ANKS1B: variants seen among roughly 807,000 people sequenced by gnomAD.
ANKS1B encodes ankyrin repeat and sterile alpha motif domain-containing protein 1B.
A neutral mutation model predicts 148.3 loss-of-function variants in ANKS1B; 36 were observed. The ratio of observed to expected loss-of-function variants is 0.24; its 90% CI spans 0.19 to 0.32. ANKS1B has a LOEUF of 0.32. ANKS1B is among the 10% of genes least tolerant of loss of function. ANKS1B has a pLI of 1.00. For missense variants in ANKS1B, 1,157 were observed against 1,542.6 expected (o/e 0.75, Z 4.19); for synonymous variants, 542 against 560.8 (o/e 0.97, Z 0.47).
chr12:98,950,944 T>C (rs918739729), intron 17 of ANKS1B, among the ~76,000 whole-genome samples: 3 of 152,104 alleles, frequency 2.0e-5, no homozygotes, highest in African/African-American at 7.2e-5. Flanking sequence ...TAATAGTACT[T>C]CTAGAACATC....
intron 12 of ANKS1B, among the ~76,000 whole-genome samples, chr12:99,380,238 A>G (rs1407751026): frequency 6.6e-6 from 1 of 152,238 alleles, no homozygotes; most frequent in African/African-American, 2.4e-5. Context: ...ATATTCAATC[A>G]GAGCTTTCAC....
At chr12:98,975,981 A>G (rs1217881463) in intron 17 of ANKS1B, among the ~76,000 whole-genome samples, 1 of 152,222 alleles carries the variant, frequency 6.6e-6, no homozygotes, top group Non-Finnish European at 1.5e-5. Flanking sequence ...CCAAAGCATG[A>G]ACTTGACAAC....
chr12:98,753,873 GGA>G (rs531761785), intron 25 of ANKS1B, among the ~76,000 whole-genome samples: 80 of 152,286 alleles, frequency 5.3e-4, no homozygotes, highest in Middle Eastern at 3.4e-3. Context: ...AAGCGCTCTG[GGA>G]GCCCGATTCC....
intron 14 of ANKS1B, 44 bp from the exon 15 acceptor site, chr12:99,154,439 G>T: frequency 6.2e-7 from 1 of 1,613,620 alleles, no homozygotes. Context: ...GGGAGTAGCC[G>T]TCCACGGGGT....
chr12:99,926,338 T>C (rs1204494654), intron 1 of ANKS1B, among the ~76,000 whole-genome samples: 1 of 152,206 alleles, frequency 6.6e-6, no homozygotes, highest in Non-Finnish European at 1.5e-5. Context: ...TTGGTGAAGG[T>C]GTTTAAATCG....
chr12:99,465,321 C>T (rs1338805368), intron 10 of ANKS1B, among the ~76,000 whole-genome samples: 1 of 152,158 alleles, frequency 6.6e-6, no homozygotes. Context: ...ACAACCAGTA[C>T]CAGCCACTGC....
chr12:99,649,589 G>A, intron 9 of ANKS1B: 1 of 547,478 alleles, frequency 1.8e-6, no homozygotes, highest in Non-Finnish European at 3.3e-6. Flanking sequence ...ACTGGCAAAA[G>A]CAGCCTTCAG....
chr12:99,505,619 G>T (rs942206784), intron 9 of ANKS1B, among the ~76,000 whole-genome samples: 1 of 147,784 alleles, frequency 6.8e-6, no homozygotes, highest in Non-Finnish European at 1.5e-5. Context: ...AATATATATA[G>T]CATATTTATA....
chr12:99,204,579 G>A (rs1448467114), intron 14 of ANKS1B, among the ~76,000 whole-genome samples: 2 of 152,154 alleles, frequency 1.3e-5, no homozygotes, highest in Non-Finnish European at 2.9e-5. Flanking sequence ...CCACCTGAAT[G>A]CCCTAAATAA....
At chr12:99,135,994 A>G (rs1367862162) in intron 15 of ANKS1B, among the ~76,000 whole-genome samples, 1 of 152,170 alleles carries the variant, frequency 6.6e-6, no homozygotes, top group Non-Finnish European at 1.5e-5. Flanking sequence ...GATCAGAAAA[A>G]CAGATAGTAT....
At chr12:98,768,673 G>A (rs1005071380) in intron 25 of ANKS1B, among the ~76,000 whole-genome samples, 1 of 150,094 alleles carries the variant, frequency 6.7e-6, no homozygotes, top group African/African-American at 2.5e-5. Context: ...GGCGGAGCTT[G>A]CAGTGAGCAG....
intron 15 of ANKS1B, among the ~76,000 whole-genome samples, chr12:99,120,214 G>C (rs766449215): frequency 6.6e-6 from 1 of 152,168 alleles, no homozygotes; most frequent in South Asian, 2.1e-4. Flanking sequence ...GAAGGAAACC[G>C]GAGTGCCTGG....
intron 25 of ANKS1B, among the ~76,000 whole-genome samples, chr12:98,756,796 T>C (rs1381755275): frequency 6.7e-6 from 1 of 149,324 alleles, no homozygotes; most frequent in Non-Finnish European, 1.5e-5. Context: ...GGCGCGATCT[T>C]GGCTCACTGC....
chr12:99,842,786 C>T (rs891413118), intron 1 of ANKS1B, among the ~76,000 whole-genome samples: 2 of 152,144 alleles, frequency 1.3e-5, no homozygotes, highest in African/African-American at 4.8e-5. Context: ...TCTTCCTTAC[C>T]TTGCTTTAAC....
chr12:99,929,930 A>C (rs369736867), intron 1 of ANKS1B, among the ~76,000 whole-genome samples: 1 of 151,816 alleles, frequency 6.6e-6, no homozygotes, highest in Non-Finnish European at 1.5e-5. Flanking sequence ...GTCAGGTAGC[A>C]TGATGCCTCC....
intron 2 of ANKS1B, among the ~76,000 whole-genome samples, chr12:99,818,940 A>G (rs1402588379): frequency 6.6e-6 from 1 of 151,848 alleles, no homozygotes; most frequent in African/African-American, 2.4e-5. Context: ...GGAAGAGTCA[A>G]CCTTCAAATT....
intron 17 of ANKS1B, among the ~76,000 whole-genome samples, chr12:99,019,826 T>C (rs1455286008): frequency 6.6e-6 from 1 of 152,198 alleles, no homozygotes; most frequent in Non-Finnish European, 1.5e-5. Context: ...TGCTCAGTTG[T>C]ACTTGAGAGA....
intron 12 of ANKS1B, among the ~76,000 whole-genome samples, chr12:99,263,488 T>C (rs2076135231): frequency 6.6e-6 from 1 of 152,134 alleles, no homozygotes; most frequent in Non-Finnish European, 1.5e-5. Context: ...CTATTTCCCT[T>C]GCCCATTCTT....
At chr12:99,861,646 C>T (rs1270843064) in intron 1 of ANKS1B, among the ~76,000 whole-genome samples, 1 of 152,082 alleles carries the variant, frequency 6.6e-6, no homozygotes, top group Non-Finnish European at 1.5e-5. Context: ...GCTCTGATAT[C>T]TCCCTCCCTC....
Sources: gnomAD v4.1 joint callset for allele counts (sites outside exome capture counted in the v4.1 genomes callset) on GRCh38, gnomAD v4.1.1 for gene constraint, MANE v1.5 for transcripts, NCBI Gene and HGNC (gene_info 2026-07-23, HGNC 2026-07-21) for gene names.